SLC35A1: variants seen among roughly 807,000 people sequenced by gnomAD.
The protein encoded by SLC35A1 is solute carrier family 35 member A1.
Under a neutral mutation model 40.3 loss-of-function variants are expected in SLC35A1, and 21 were observed. The ratio of observed to expected loss-of-function variants is 0.52; its 90% CI spans 0.37 to 0.75. The LOEUF (loss-of-function observed/expected upper bound fraction) is 0.75. SLC35A1 is among the 30% of genes least tolerant of loss of function. The pLI is 0.00. For synonymous variants in SLC35A1, 146 were observed against 147.3 expected, an observed-to-expected ratio of 0.99 and a Z score of 0.06; for missense variants, 297 against 382.1, an observed-to-expected ratio of 0.78 and a Z score of 1.86.
chr6:87,486,027 C>A (rs2127966835), intron 2 of SLC35A1, among the ~76,000 whole-genome samples: 1 of 152,242 alleles, frequency 6.6e-6, no homozygotes, highest in East Asian at 1.9e-4. Flanking sequence ...TGATAAAGTA[C>A]AATAACTTTA....
intron 2 of SLC35A1, among the ~76,000 whole-genome samples, chr6:87,485,505 C>T (rs1252666940): frequency 6.6e-6 from 1 of 152,034 alleles, no homozygotes; most frequent in Non-Finnish European, 1.5e-5. Context: ...TGGCTCACAC[C>T]TGTAATCCCA....
intron 2 of SLC35A1, among the ~76,000 whole-genome samples, chr6:87,479,128 G>C (rs977692432): frequency 6.6e-6 from 1 of 152,218 alleles, no homozygotes; most frequent in Non-Finnish European, 1.5e-5. Flanking sequence ...AGAAGGCAAA[G>C]AATTGAACAT....
intron 5 of SLC35A1, among the ~76,000 whole-genome samples, chr6:87,507,245 G>T (rs1770115197): frequency 6.6e-6 from 1 of 152,092 alleles, no homozygotes; most frequent in African/African-American, 2.4e-5. Context: ...GCTGAATACA[G>T]AAGTAAAATA....
chr6:87,498,311 T>G (rs959598614), intron 2 of SLC35A1, among the ~76,000 whole-genome samples: 5 of 152,166 alleles, frequency 3.3e-5, no homozygotes, highest in African/African-American at 1.2e-4. Context: ...TCTGTAAAAT[T>G]TATATCTATG....
chr6:87,484,575 C>T (rs755439418), intron 2 of SLC35A1, among the ~76,000 whole-genome samples: 1 of 151,912 alleles, frequency 6.6e-6, no homozygotes, highest in Non-Finnish European at 1.5e-5. Context: ...AAGAGAGTAA[C>T]GGGGTGAGTG....
At chr6:87,500,388 A>G in intron 2 of SLC35A1, 120 bp from the exon 3 acceptor site, 1 of 915,778 alleles carries the variant, frequency 1.1e-6, no homozygotes. Context: ...AGAAATTATT[A>G]GTTTGCTAAA....
chr6:87,478,939 C>T (rs538739945), intron 2 of SLC35A1, among the ~76,000 whole-genome samples: 5 of 152,094 alleles, frequency 3.3e-5, no homozygotes, highest in Non-Finnish European at 5.9e-5. Flanking sequence ...TGTCGTTCCC[C>T]TATTGGCTAG....
At chr6:87,493,964 A>C (rs930617223) in intron 2 of SLC35A1, among the ~76,000 whole-genome samples, 2 of 152,218 alleles carry the variant, frequency 1.3e-5, no homozygotes, top group African/African-American at 2.4e-5. Context: ...TGTGGGAAGG[A>C]ATTAATGGAT....
intron 2 of SLC35A1, among the ~76,000 whole-genome samples, chr6:87,484,667 CAGGGTGGAGCAGGTAATTGGAATT>C (rs141229913): frequency 0.094 from 14,353 of 152,080 alleles, 736 homozygotes; most frequent in African/African-American, 0.13. Context: ...CTGAATGAAT[CAGGGTGGAGCAGGTAATTGGAATT>C]AGGGTGGAGC....
intron 2 of SLC35A1, among the ~76,000 whole-genome samples, chr6:87,492,349 CT>C (rs1176172502): frequency 4.6e-5 from 7 of 150,798 alleles, no homozygotes; most frequent in South Asian, 2.1e-4. Flanking sequence ...GTTCCTCCAT[CT>C]TTTTTTTTCA....
intron 2 of SLC35A1, among the ~76,000 whole-genome samples, chr6:87,492,832 G>A (rs148223756): frequency 0.012 from 1,771 of 152,144 alleles, 32 homozygotes; most frequent in African/African-American, 0.04. Context: ...TTACAGGTGC[G>A]AGCCACCACA....
In SLC35A1 at chr6:87,511,585, T is replaced by C. The variant is rs760198817; in HGVS notation, c.*59T>C. The C allele has an allele frequency of 6.4e-7, 1 of 1,562,980 alleles. No individual in the cohort carries two copies. Among genetic ancestry groups the C allele is most frequent in the African/African-American group, 1.4e-5 (1 of 73,924 alleles). ...AACCATTTGCATTAAACTAGAGCCT[T>C]AAGTCAATCTCAGAAGGTAGCATAA... On this transcript the variant is annotated 3_prime_UTR_variant, in exon 8 of 8. Coordinates refer to ENST00000369552, the MANE Select transcript of SLC35A1 (RefSeq NM_006416.5).
chr6:87,486,390 TTG>T, intron 2 of SLC35A1, among the ~76,000 whole-genome samples: 1 of 152,298 alleles, frequency 6.6e-6, no homozygotes, highest in South Asian at 2.1e-4. Context: ...TTTCAAGGTA[TTG>T]TTAATAAGAT....
intron 2 of SLC35A1, among the ~76,000 whole-genome samples, chr6:87,496,626 A>G (rs1164084435): frequency 6.6e-6 from 1 of 151,806 alleles, no homozygotes; most frequent in Non-Finnish European, 1.5e-5. Context: ...TAAAAATACA[A>G]AAAATTAGCC....
chr6:87,483,316 C>G lies in SLC35A1; in HGVS notation c.194+5777C>G, dbSNP rs1032796382. ...GCTGCTGTTCTTCCCTCTCCTCCTT[C>G]CCCTAGGGGAGCGACCAGTGGGAGT... is the stretch of plus-strand genomic sequence containing the variant. On this transcript the variant is annotated intron_variant, in intron 2 of 7. Transcript: ENST00000369552. 2.0e-5 allele frequency among the ~76,000 whole-genome samples: 3 copies of G among 152,054 alleles called. No individual in the cohort carries two copies. The East Asian group carries it at 5.8e-4, about 29-fold the overall frequency.
chr6:87,474,395 A>C (rs1351687982), intron 1 of SLC35A1, among the ~76,000 whole-genome samples: 2 of 152,212 alleles, frequency 1.3e-5, no homozygotes, highest in Non-Finnish European at 2.9e-5. Flanking sequence ...TTTAAACTGT[A>C]AGTTTCTTTT....
intron 2 of SLC35A1, among the ~76,000 whole-genome samples, chr6:87,485,948 T>G (rs1009668692): frequency 1.3e-5 from 2 of 152,160 alleles, no homozygotes; most frequent in African/African-American, 4.8e-5. Context: ...TGGAAAAAAA[T>G]TAAACTTCAT....
rs936521050 is a variant in SLC35A1, at chr6:87,512,087, A to G, written c.*561A>G. The G allele has an allele frequency of 1.4e-4, 22 of 161,396 alleles. No individual in the cohort carries two copies. Among genetic ancestry groups the G allele is most frequent in the Non-Finnish European group, 1.4e-5 (1 of 72,720 alleles). 10.0% of individuals were successfully genotyped at this position (161,396 alleles called of 1,614,324 possible). On this transcript the variant is annotated 3_prime_UTR_variant, in exon 8 of 8. Coordinates refer to ENST00000369552, the MANE Select transcript of SLC35A1 (RefSeq NM_006416.5). Reference sequence around the variant, plus strand: ...ATGAATCTATTTCATAACTCGGACAATTTCTGGGTGGTGACTGAGTACCCC... The same window carrying G: ...ATGAATCTATTTCATAACTCGGACAGTTTCTGGGTGGTGACTGAGTACCCC...
chr6:87,507,758 G>A (rs2127977192), intron 5 of SLC35A1, among the ~76,000 whole-genome samples: 1 of 151,830 alleles, frequency 6.6e-6, no homozygotes, highest in South Asian at 2.1e-4. Flanking sequence ...GTTGGGGAGG[G>A]GTATCATGTA....
Sources: allele counts gnomAD v4.1 joint callset (sites outside exome capture counted in the v4.1 genomes callset), GRCh38; gene constraint gnomAD v4.1.1; transcripts MANE v1.5; gene names NCBI Gene and HGNC (gene_info 2026-07-23, HGNC 2026-07-21).